RNF220: variants seen among roughly 807,000 people sequenced by gnomAD.
The protein encoded by RNF220 is E3 ubiquitin-protein ligase RNF220.
RNF220 carries 7 observed loss-of-function variants against 67.1 expected under a neutral mutation model. That is an observed-to-expected ratio of 0.10 (90% CI 0.06 to 0.20). The LOEUF is 0.20. Among genes scored for constraint, RNF220 ranks in the 10% least tolerant of loss-of-function variants. The probability of loss-of-function intolerance (pLI) is 1.00; values close to 1 mark genes in which losing one functional copy is unlikely to be tolerated. For missense variants in RNF220, 565 were observed against 740.3 expected (o/e 0.76, Z 2.75); for synonymous variants, 270 against 283.2 (o/e 0.95, Z 0.47).
At chr1:44,495,304 C>T (rs1357628134) in intron 2 of RNF220, among the ~76,000 whole-genome samples, 1 of 150,948 alleles carries the variant, frequency 6.6e-6, no homozygotes, top group African/African-American at 2.4e-5. Flanking sequence ...TTTTAGACTA[C>T]CACAGTGCTT....
At chr1:44,548,173 C>T (rs1662327579) in intron 2 of RNF220, among the ~76,000 whole-genome samples, 1 of 152,158 alleles carries the variant, frequency 6.6e-6, no homozygotes, top group Non-Finnish European at 1.5e-5. Context: ...TTATCTCTAG[C>T]CCCTGCTACT....
At chr1:44,420,340 C>T (rs1044272408) in intron 2 of RNF220, among the ~76,000 whole-genome samples, 1 of 152,192 alleles carries the variant, frequency 6.6e-6, no homozygotes, top group Non-Finnish European at 1.5e-5. Flanking sequence ...TTGTCTTTTT[C>T]CACTGAAATT....
chr1:44,629,691 A>C (rs1644058277), intron 5 of RNF220, among the ~76,000 whole-genome samples: 1 of 152,152 alleles, frequency 6.6e-6, no homozygotes, highest in Admixed American at 6.5e-5. Context: ...TATAAAATAA[A>C]AAAAATTAAT....
intron 2 of RNF220, among the ~76,000 whole-genome samples, chr1:44,489,506 A>G (rs1656657472): frequency 6.6e-6 from 1 of 152,238 alleles, no homozygotes. Context: ...TATTTAGTGA[A>G]TACACATTGA....
intron 1 of RNF220, among the ~76,000 whole-genome samples, chr1:44,407,925 G>T (rs1438468484): frequency 6.6e-6 from 1 of 152,216 alleles, no homozygotes; most frequent in Non-Finnish European, 1.5e-5. Context: ...TGCCCCGCGG[G>T]CCCCGCGCGG....
chr1:44,597,020 AAAG>A (rs1666546422), intron 2 of RNF220, among the ~76,000 whole-genome samples: 1 of 152,190 alleles, frequency 6.6e-6, no homozygotes, highest in South Asian at 2.1e-4. Context: ...GGACATGGAA[AAAG>A]AAGAGAGAAA....
At chr1:44,441,345 A>G (rs1202370510) in intron 2 of RNF220, among the ~76,000 whole-genome samples, 3 of 152,176 alleles carry the variant, frequency 2.0e-5, no homozygotes, top group Non-Finnish European at 4.4e-5. Flanking sequence ...TGAACTCTGG[A>G]TTAGTCAGTC....
At chr1:44,542,464 C>T (rs1020763057) in intron 2 of RNF220, among the ~76,000 whole-genome samples, 2 of 152,154 alleles carry the variant, frequency 1.3e-5, no homozygotes, top group African/African-American at 2.4e-5. Flanking sequence ...GGGAATTTAG[C>T]AGAAAGTAAG....
intron 2 of RNF220, among the ~76,000 whole-genome samples, chr1:44,503,291 G>A (rs565073524): frequency 2.2e-5 from 3 of 137,166 alleles, no homozygotes; most frequent in African/African-American, 5.5e-5. Context: ...CCGAGATTGC[G>A]CTACTGCACT....
chr1:44,417,437 G>T lies in RNF220; in HGVS notation c.625+4715G>T, dbSNP rs946921025. Among the ~76,000 whole-genome samples the T allele has an allele frequency of 6.6e-6, 1 of 152,236 alleles. No homozygotes were observed. The highest frequency in any genetic ancestry group is 2.4e-5 in the African/African-American group (1 of 41,464). The stretch of plus-strand genomic sequence containing the variant: ...ACGGGAGCAGTCCCTGATGGCTGCA[G>T]AGCCATCTGGCCTGGCTTGGCTTGG... On this transcript the variant is annotated intron_variant, in intron 2 of 14. Transcript: ENST00000361799. The surrounding 1 kb of genome is among the most constrained non-coding windows in gnomAD (Gnocchi z 4.0).
At position 44,553,635 on chromosome 1, in the gene RNF220, A is replaced by G. The variant is rs149645122; in HGVS notation, c.626-60530A>G. Among the ~76,000 whole-genome samples, 159 of 152,354 alleles carry G rather than the reference A, an allele frequency of 1.0e-3. 1 individual carries two copies. Among genetic ancestry groups the G allele is most frequent in the African/African-American group, 3.7e-3 (152 of 41,586 alleles). On this transcript the variant is annotated intron_variant, in intron 2 of 14. Coordinates refer to ENST00000361799, the MANE Select transcript of RNF220 (RefSeq NM_018150.4). The stretch of plus-strand genomic sequence containing the variant: ...ACAGGAGGAGGCACTTAGTATTGAA[A>G]GACTCATGGTAGACAAAGTAGGATA...
At chr1:44,497,577 C>T (rs2148071592) in intron 2 of RNF220, among the ~76,000 whole-genome samples, 1 of 152,286 alleles carries the variant, frequency 6.6e-6, no homozygotes, top group South Asian at 2.1e-4. Flanking sequence ...CCCATCACCA[C>T]CATGTGATAA....
intron 2 of RNF220, among the ~76,000 whole-genome samples, chr1:44,457,818 A>T (rs192196757): frequency 2.0e-3 from 302 of 152,322 alleles, no homozygotes; most frequent in Non-Finnish European, 2.5e-3. Flanking sequence ...TACTTTCAAC[A>T]TTGCATTCTA....
intron 2 of RNF220, among the ~76,000 whole-genome samples, chr1:44,560,107 C>T (rs1316452709): frequency 2.0e-5 from 3 of 152,174 alleles, no homozygotes; most frequent in Non-Finnish European, 4.4e-5. Flanking sequence ...TACTTGATGA[C>T]GGCGTCACCT....
chr1:44,474,378 A>AAGT (rs1655098544), intron 2 of RNF220, among the ~76,000 whole-genome samples: 1 of 137,646 alleles, frequency 7.3e-6, no homozygotes, highest in South Asian at 2.4e-4. Flanking sequence ...CTGTCTCCAA[A>AAGT]AATAATAATA....
chr1:44,546,601 A>C (rs272564), intron 2 of RNF220, among the ~76,000 whole-genome samples: 46,774 of 152,026 alleles, frequency 0.31, 7,585 homozygotes, highest in East Asian at 0.56. Context: ...AGGCAAGCAG[A>C]CCACATCAGA....
chr1:44,564,846 A>G (rs1026011279), intron 2 of RNF220, among the ~76,000 whole-genome samples: 3 of 151,924 alleles, frequency 2.0e-5, no homozygotes, highest in Admixed American at 6.6e-5. Flanking sequence ...CTCAGGGGGA[A>G]CCTTATAAAA....
intron 2 of RNF220, among the ~76,000 whole-genome samples, chr1:44,548,243 A>T (rs272567): frequency 6.6e-6 from 1 of 152,176 alleles, no homozygotes; most frequent in African/African-American, 2.4e-5. Context: ...CTTCTGACCA[A>T]TGTTCACCAT....
chr1:44,597,310 A>G (rs1666568346), intron 2 of RNF220, among the ~76,000 whole-genome samples: 1 of 152,192 alleles, frequency 6.6e-6, no homozygotes, highest in South Asian at 2.1e-4. Context: ...AAGTAGCCAG[A>G]AGTGAAATTC....
Sources: allele counts gnomAD v4.1 joint callset (sites outside exome capture counted in the v4.1 genomes callset), GRCh38; gene constraint gnomAD v4.1.1; non-coding constraint Gnocchi (gnomAD v3.1); transcripts MANE v1.5; gene names NCBI Gene and HGNC (gene_info 2026-07-23, HGNC 2026-07-21).